Variants in ANO4 observed in about 807,000 individuals in gnomAD.
The protein encoded by ANO4 is anoctamin 4.
A neutral mutation model predicts 141.9 loss-of-function variants in ANO4; 69 were observed. The ratio of observed to expected loss-of-function variants is 0.49; its 90% CI spans 0.40 to 0.59. The LOEUF (loss-of-function observed/expected upper bound fraction) is 0.59. Ranked by LOEUF, ANO4 falls within the 20% of genes least tolerant of loss-of-function variation. ANO4 has a pLI of 0.00. For missense variants in ANO4, 894 were observed against 1,162.2 expected (o/e 0.77, Z 3.36); for synonymous variants, 350 against 394.3 (o/e 0.89, Z 1.33).
chr12:100,799,886 C>A (rs373773333), intron 1 of ANO4, among the ~76,000 whole-genome samples: 121 of 152,270 alleles, frequency 7.9e-4, no homozygotes, highest in African/African-American at 2.8e-3. Context: ...TTCATTTACT[C>A]AGAACCCTGC....
Position 101,097,929 on chromosome 12 carries a change from A to T in ANO4, c.1990A>T (p.Met664Leu). Reference sequence around the variant, plus strand: ...GCTAAAGCAGACCTGGAATAATTTCATGGAACTTGGCTACCCGTAAGTACC... The same window carrying T: ...GCTAAAGCAGACCTGGAATAATTTCTTGGAACTTGGCTACCCGTAAGTACC... Reference protein sequence around the residue: ...MVLKQTWNNFMELGYPLIQNW... With the variant: ...MVLKQTWNNFLELGYPLIQNW... The change falls in exon 21 of 28, where the codon ATG (methionine) becomes TTG (leucine). Residue 664 changes from methionine to leucine, a missense_variant. Transcript: ENST00000392977. The T allele has an allele frequency of 5.0e-6, 8 of 1,613,584 alleles. No homozygotes were observed. Among genetic ancestry groups the T allele is most frequent in the Non-Finnish European group, 5.1e-6 (6 of 1,179,552 alleles).
intron 1 of ANO4, among the ~76,000 whole-genome samples, chr12:100,823,845 A>G (rs2135745913): frequency 6.6e-6 from 1 of 152,174 alleles, no homozygotes; most frequent in South Asian, 2.1e-4. Context: ...ATCTATGCAC[A>G]ATGTGTATTT....
intron 1 of ANO4, among the ~76,000 whole-genome samples, chr12:100,898,932 C>A (rs1312113762): frequency 6.6e-6 from 1 of 152,188 alleles, no homozygotes; most frequent in Non-Finnish European, 1.5e-5. Context: ...GATGGGTCTA[C>A]AGATGGTTCA....
chr12:101,051,446 A>G (rs2047866520), intron 14 of ANO4, among the ~76,000 whole-genome samples: 1 of 152,218 alleles, frequency 6.6e-6, no homozygotes, highest in Admixed American at 6.5e-5. Context: ...ATGACAACTT[A>G]TTGCTTAAAT....
At chr12:100,932,856 T>C (rs1372644744) in intron 3 of ANO4, among the ~76,000 whole-genome samples, 1 of 152,162 alleles carries the variant, frequency 6.6e-6, no homozygotes, top group African/African-American at 2.4e-5. Context: ...TCCTTGATCC[T>C]CGTTGTTCAG....
intron 5 of ANO4, among the ~76,000 whole-genome samples, chr12:100,945,838 A>G (rs904621948): frequency 6.6e-6 from 1 of 152,170 alleles, no homozygotes; most frequent in Non-Finnish European, 1.5e-5. Context: ...ATTTCATTCA[A>G]AAAATATTTA....
At chr12:100,936,426 A>G (rs1052721925) in intron 3 of ANO4, among the ~76,000 whole-genome samples, 1 of 152,176 alleles carries the variant, frequency 6.6e-6, no homozygotes, top group African/African-American at 2.4e-5. Flanking sequence ...AACAATGTCA[A>G]ATATGGTCTG....
intron 3 of ANO4, among the ~76,000 whole-genome samples, chr12:100,749,518 G>A (rs1024155949): frequency 4.6e-5 from 7 of 152,010 alleles, no homozygotes; most frequent in Non-Finnish European, 5.9e-5. Context: ...TTTAATTATC[G>A]ATTCCAGCGG....
intron 3 of ANO4, among the ~76,000 whole-genome samples, chr12:100,789,464 A>G (rs943412881): frequency 6.6e-6 from 1 of 152,244 alleles, no homozygotes; most frequent in Non-Finnish European, 1.5e-5. Context: ...TAAAGCAATG[A>G]TGACAACGGT....
At position 100,919,718 on chromosome 12, in the gene ANO4, ATGTATGTG is replaced by A. The variant is rs1442273842; in HGVS notation, c.56-2500_56-2493del. ...TGTGTGTGTGTGTATGTATGTATGTATGTATGTGTGTATGTATGTATCTATCTATCTAT... is the reference window on the plus strand; with the variant it reads ...TGTGTGTGTGTGTATGTATGTATGTATGTATGTATGTATCTATCTATCTAT... On this transcript the variant is annotated intron_variant, in intron 2 of 27. Transcript: ENST00000392977. Among the ~76,000 whole-genome samples the A allele has an allele frequency of 2.8e-3, 341 of 123,330 alleles. 4 individuals carry two copies. Among genetic ancestry groups the A allele is most frequent in the African/African-American group, 9.8e-3 (337 of 34,550 alleles). 80.9% of individuals were successfully genotyped at this position (123,330 alleles called of 152,430 possible). A position where few individuals can be genotyped will look rare whatever the true frequency, so the allele number is the denominator to read the frequency against.
At chr12:101,059,892 A>G (rs1249979651) in intron 14 of ANO4, among the ~76,000 whole-genome samples, 1 of 151,998 alleles carries the variant, frequency 6.6e-6, no homozygotes, top group Non-Finnish European at 1.5e-5. Flanking sequence ...TTCTGCTCTG[A>G]TCTTAGTCAG....
intron 15 of ANO4, among the ~76,000 whole-genome samples, chr12:101,081,022 A>AGTGTGTGTGT (rs139769612): frequency 6.4e-4 from 90 of 141,316 alleles, no homozygotes; most frequent in African/African-American, 2.0e-3. Context: ...TATGTATGTG[A>AGTGTGTGTGT]GTGTGTGTAT....
At chr12:100,953,884 G>T (rs1012709883) in intron 5 of ANO4, among the ~76,000 whole-genome samples, 1 of 151,620 alleles carries the variant, frequency 6.6e-6, no homozygotes, top group African/African-American at 2.4e-5. Flanking sequence ...GAATGGGGGG[G>T]TATGGTAGCA....
In ANO4 at chr12:101,000,481, C is replaced by T. The variant is rs150555475; in HGVS notation, c.734+12811C>T. 9.2e-5 allele frequency among the ~76,000 whole-genome samples: 14 copies of T among 152,162 alleles called. No individual in the cohort carries two copies. In the East Asian group the frequency reaches 2.7e-3, roughly 29 times the overall value. On this transcript the variant is annotated intron_variant, in intron 8 of 27. Transcript: ENST00000392977. ...ATCGATCTGAAATCTTTAGAGAATC[C>T]TTCAGGCAGAGGTACCAAGATTGAT...
chr12:100,850,161 A>G (rs1026637848), intron 1 of ANO4, among the ~76,000 whole-genome samples: 2 of 152,214 alleles, frequency 1.3e-5, no homozygotes, highest in African/African-American at 4.8e-5. Flanking sequence ...AAATGTAAAC[A>G]TTTTCTCATT....
intron 1 of ANO4, among the ~76,000 whole-genome samples, chr12:100,834,515 G>A (rs1192637928): frequency 1.3e-5 from 2 of 151,834 alleles, no homozygotes; most frequent in African/African-American, 4.9e-5. Context: ...AGTTCCTAAA[G>A]TTTGTATATT....
chr12:100,825,811 A>AT (rs1295178915), intron 1 of ANO4, among the ~76,000 whole-genome samples: 3 of 152,056 alleles, frequency 2.0e-5, no homozygotes, highest in Non-Finnish European at 4.4e-5. Context: ...GAATTATGTG[A>AT]TTTTGGGTTT....
chr12:100,770,248 G>A (rs1224269167), intron 3 of ANO4, among the ~76,000 whole-genome samples: 1 of 152,158 alleles, frequency 6.6e-6, no homozygotes, highest in African/African-American at 2.4e-5. Context: ...TGTTCATGTG[G>A]ACTCGGGTTC....
At chr12:100,795,790 A>G (rs370654048) in intron 1 of ANO4, among the ~76,000 whole-genome samples, 1 of 152,194 alleles carries the variant, frequency 6.6e-6, no homozygotes, top group African/African-American at 2.4e-5. Context: ...GGTTATTAGA[A>G]TGGTTAGACT....
Sources: allele counts gnomAD v4.1 joint callset (sites outside exome capture counted in the v4.1 genomes callset), GRCh38; gene constraint gnomAD v4.1.1; transcripts MANE v1.5; gene names NCBI Gene and HGNC (gene_info 2026-07-23, HGNC 2026-07-21).